Variants in KCNN2 observed in about 807,000 individuals in gnomAD.
KCNN2 encodes potassium calcium-activated channel subfamily N member 2, also known as small conductance calcium-activated potassium channel protein 2.
Under a neutral mutation model 55.5 loss-of-function variants are expected in KCNN2, and 24 were observed. The observed-to-expected ratio is 0.43, with a 90% CI of 0.31 to 0.61. The LOEUF (loss-of-function observed/expected upper bound fraction) is 0.61, where lower values mean the gene tolerates loss of function less well. Ranked by LOEUF, KCNN2 falls within the 20% of genes least tolerant of loss-of-function variation. The pLI is 0.08. For missense variants in KCNN2, 754 were observed against 853.6 expected (o/e 0.88, Z 1.45); for synonymous variants, 431 against 336.1 (o/e 1.28, Z -3.09).
chr5:114,449,908 A>ACACACACACGCGCGCGCG (rs1309590184), intron 3 of KCNN2, among the ~76,000 whole-genome samples: 19 of 66,186 alleles, frequency 2.9e-4, no homozygotes, highest in African/African-American at 5.6e-4. Context: ...ACACACACAC[A>ACACACACACGCGCGCGCG]CGCGCGCGCT....
chr5:114,392,361 A>C (rs192914801), intron 2 of KCNN2, among the ~76,000 whole-genome samples: 1 of 152,160 alleles, frequency 6.6e-6, no homozygotes, highest in Non-Finnish European at 1.5e-5. Context: ...TCGTTCTAGC[A>C]AGTTTTTTTC....
intron 3 of KCNN2, among the ~76,000 whole-genome samples, chr5:114,405,715 TG>T (rs1242611099): frequency 6.2e-5 from 7 of 112,860 alleles, no homozygotes; most frequent in Admixed American, 5.0e-4. Context: ...TGTTTTGTTT[TG>T]TTTTTTTTTT....
At chr5:114,309,238 G>A (rs897790997) in intron 2 of KCNN2, among the ~76,000 whole-genome samples, 8 of 152,120 alleles carry the variant, frequency 5.3e-5, no homozygotes, top group Admixed American at 3.9e-4. Context: ...AGACAAAATT[G>A]GGACAGTATT....
intron 1 of KCNN2, among the ~76,000 whole-genome samples, chr5:114,160,676 A>T (rs1476215832): frequency 6.6e-6 from 1 of 152,054 alleles, no homozygotes; most frequent in Non-Finnish European, 1.5e-5. Context: ...TGCTTTATGA[A>T]TCTGGGTGCT....
chr5:114,105,928 A>T (rs573687492), intron 1 of KCNN2, among the ~76,000 whole-genome samples: 2 of 152,002 alleles, frequency 1.3e-5, no homozygotes, highest in African/African-American at 4.8e-5. Flanking sequence ...TATTATTTCT[A>T]TAAAAAGTTC....
intron 2 of KCNN2, among the ~76,000 whole-genome samples, chr5:114,275,651 T>G (rs2150010354): frequency 6.6e-6 from 1 of 152,288 alleles, no homozygotes; most frequent in South Asian, 2.1e-4. Context: ...CTGATGGTAG[T>G]TTGTATTTTT....
At chr5:114,131,032 C>A (rs1752061178) in intron 1 of KCNN2, among the ~76,000 whole-genome samples, 1 of 152,118 alleles carries the variant, frequency 6.6e-6, no homozygotes, top group Non-Finnish European at 1.5e-5. Flanking sequence ...AAATAGAAAA[C>A]CTTTATGGTT....
intron 2 of KCNN2, among the ~76,000 whole-genome samples, chr5:114,317,421 T>C (rs915999769): frequency 6.6e-6 from 1 of 152,230 alleles, no homozygotes; most frequent in Admixed American, 6.5e-5. Flanking sequence ...TTAATCAAAA[T>C]ATCTGAAATC....
chr5:114,322,298 T>C (rs1245312401), intron 2 of KCNN2, among the ~76,000 whole-genome samples: 1 of 152,168 alleles, frequency 6.6e-6, no homozygotes, highest in East Asian at 1.9e-4. Flanking sequence ...AAATAATGTC[T>C]AGTAAGTAGA....
intron 3 of KCNN2, among the ~76,000 whole-genome samples, chr5:114,459,090 C>G (rs550779112): frequency 1.3e-5 from 2 of 152,048 alleles, no homozygotes; most frequent in South Asian, 2.1e-4. Flanking sequence ...GTGTGAGACC[C>G]TTAGTCAGCA....
At chr5:114,070,293 G>T (rs1245912780) in intron 1 of KCNN2, among the ~76,000 whole-genome samples, 5 of 152,184 alleles carry the variant, frequency 3.3e-5, no homozygotes, top group East Asian at 3.8e-4. Flanking sequence ...CCAGGAGGGG[G>T]CAGGACCCCT....
chr5:114,398,798 G>A (rs1187056830), intron 2 of KCNN2, among the ~76,000 whole-genome samples: 1 of 152,010 alleles, frequency 6.6e-6, no homozygotes, highest in Non-Finnish European at 1.5e-5. Context: ...TATTCTTTTT[G>A]TAGTTATTAT....
chr5:114,486,445 A>G (rs1222357577), intron 5 of KCNN2, among the ~76,000 whole-genome samples: 2 of 152,132 alleles, frequency 1.3e-5, no homozygotes, highest in African/African-American at 2.4e-5. Flanking sequence ...CACCCTTCTC[A>G]TTTGTCCCAT....
In KCNN2 at chr5:114,276,603, C is replaced by T. The variant is rs185902291; in HGVS notation, c.-185+55038C>T. 3.3e-3 allele frequency among the ~76,000 whole-genome samples: 502 copies of T among 150,720 alleles called. 1 individual carries two copies. The highest frequency in any genetic ancestry group is 0.014 in the Middle Eastern group (4 of 284). ...ATGTAATGACCCTCTTTGTCTCTTT[C>T]GATCTTTGTTGGTTTAAAGTCTGTT... On this transcript the variant is annotated intron_variant, in intron 2 of 10. Transcript: ENST00000512097.
intron 3 of KCNN2, among the ~76,000 whole-genome samples, chr5:114,439,761 C>G (rs1760140788): frequency 6.6e-6 from 1 of 152,136 alleles, no homozygotes; most frequent in Non-Finnish European, 1.5e-5. Flanking sequence ...TCTCCCACCA[C>G]AGAAAGAAAG....
rs1752936062 is a variant in KCNN2 at position 114,167,403 on chromosome 5, A to C, written c.-270-54077A>C. ...TTCTCTCTCCTCACTTGGAGCATGT[A>C]ATCTTACCATCAACTTCAGAGCAAA... On this transcript the variant is annotated intron_variant, in intron 1 of 10. Coordinates refer to the KCNN2 transcript ENST00000512097. Among the ~76,000 whole-genome samples, 3 of 152,184 alleles carry C rather than the reference A, an allele frequency of 2.0e-5. No individual in the cohort carries two copies. In the South Asian group the frequency reaches 6.2e-4, roughly 31 times the overall value.
At chr5:114,323,309 A>G (rs1405033633) in intron 2 of KCNN2, among the ~76,000 whole-genome samples, 1 of 152,196 alleles carries the variant, frequency 6.6e-6, no homozygotes, top group Non-Finnish European at 1.5e-5. Flanking sequence ...AAACTTCAAT[A>G]AAGTTGCTTG....
Position 114,122,335 on chromosome 5 carries a change from T to A in KCNN2, c.-271+65835T>A, listed in dbSNP as rs140316281. On this transcript the variant is annotated intron_variant, in intron 1 of 10. Coordinates refer to the KCNN2 transcript ENST00000512097. Reference sequence around the variant, plus strand: ...GAATTAGGCATATGACAATAAAGAATGTGAATTGATGATTCCTCTTCCTGG... The same window carrying A: ...GAATTAGGCATATGACAATAAAGAAAGTGAATTGATGATTCCTCTTCCTGG... Among the ~76,000 whole-genome samples, 398 of 152,276 alleles carry A rather than the reference T, an allele frequency of 2.6e-3. 3 individuals carry two copies. The highest frequency in any genetic ancestry group is 9.0e-3 in the African/African-American group (372 of 41,552).
chr5:114,222,304 C>T (rs185989735), intron 2 of KCNN2, among the ~76,000 whole-genome samples: 17 of 152,256 alleles, frequency 1.1e-4, no homozygotes, highest in Middle Eastern at 3.4e-3. Flanking sequence ...TGCATGGTAT[C>T]GTTAGGCACA....
Sources: allele counts gnomAD v4.1 joint callset (sites outside exome capture counted in the v4.1 genomes callset), GRCh38; gene constraint gnomAD v4.1.1; transcripts MANE v1.5; gene names NCBI Gene and HGNC (gene_info 2026-07-23, HGNC 2026-07-21).